Variants in CHDH observed in about 807,000 individuals in gnomAD.
CHDH encodes the protein choline dehydrogenase, also known as choline dehydrogenase, mitochondrial.
In CHDH, 43 loss-of-function variants were observed where a neutral mutation model predicts 56.9. The observed-to-expected ratio is 0.76, with a 90% CI of 0.59 to 0.97. The LOEUF (loss-of-function observed/expected upper bound fraction) is 0.97, where lower values mean the gene tolerates loss of function less well. Among genes scored for constraint, CHDH ranks in the 50% least tolerant of loss-of-function variants. CHDH has a pLI of 0.00. For synonymous variants in CHDH, 364 were observed against 348.5 expected, an observed-to-expected ratio of 1.04 and a Z score of -0.50; for missense variants, 816 against 821.1, an observed-to-expected ratio of 0.99 and a Z score of 0.08.
rs776019278 is a variant in CHDH at position 53,820,465 on chromosome 3, C to T, written c.1120+9G>A. ...AGTCTCCTCCCAGGTTACTGGTAAG[C>T]GTGCTCACCTGTGAATTTCCAGAGC... On this transcript the variant is annotated intron_variant, in intron 6 of 8. Transcript: ENST00000315251. 3.7e-6 allele frequency: 6 copies of T among 1,605,230 alleles called. No homozygotes were observed. In the South Asian group the frequency reaches 4.5e-5, roughly 12 times the overall value.
Position 53,817,914 on chromosome 3 carries a change from T to C in CHDH, c.1648A>G (p.Ser550Gly). 6.2e-7 allele frequency: 1 copy of C among 1,614,216 alleles called. No individual in the cohort carries two copies. Among genetic ancestry groups the C allele is most frequent in the Non-Finnish European group, 8.5e-7 (1 of 1,180,040 alleles). The change falls in exon 9 of 9, where the codon AGC becomes GGC. Residue 550 changes from serine to glycine, a missense_variant. Transcript: ENST00000315251. Reference protein sequence around the residue: ...LRVVDASIMPSMVSGNLNAPT... With the variant: ...LRVVDASIMPGMVSGNLNAPT... ...GCGTTCAGGTTGCCGCTGACCATGC[T>C]AGGCATGATGGAGGCATCGACGACC...
chr3:53,836,895 T>C (rs975019223), intron 2 of CHDH, among the ~76,000 whole-genome samples: 4 of 152,274 alleles, frequency 2.6e-5, no homozygotes, highest in African/African-American at 9.6e-5. Flanking sequence ...CGTATGTCTG[T>C]TGCACCTCAA....
Position 53,823,933 on chromosome 3 carries a change from C to G in CHDH, c.76G>C (p.Gly26Arg), listed in dbSNP as rs1280617634. 18 of 1,540,656 alleles carry G rather than the reference C, an allele frequency of 1.2e-5. No homozygotes were observed. The highest frequency in any genetic ancestry group is 2.7e-5 in the African/African-American group (2 of 72,862). The change falls in exon 3 of 9, where the codon GGT (glycine) becomes CGT (arginine). Residue 26 changes from glycine to arginine, a missense_variant. By Grantham distance (125) the Gly-to-Arg change is moderately radical (BLOSUM62 -2). Transcript: ENST00000315251. ...RGALGQQQSL[G>R]ARALASAGSE... ...CCTGCGCTGGCCAGGGCCCGGGCAC[C>G]CAGGGATTGCTGCTGCCCCAGGGCT...
rs1422619612 is a variant in CHDH, at chr3:53,819,708, A to G, written c.1121-34T>C. 3.2e-6 allele frequency: 5 copies of G among 1,540,158 alleles called. No homozygotes were observed. Among genetic ancestry groups the G allele is most frequent in the Non-Finnish European group, 4.4e-6 (5 of 1,141,950 alleles). On this transcript the variant is annotated intron_variant, in intron 6 of 8. Transcript: ENST00000315251. The surrounding 1 kb of genome is among the most constrained non-coding windows in gnomAD (Gnocchi z 5.4). ...CAGAAGAGGATGAGGCAGAAGAGCCAGTCAGGCCGTGGCAGGTGGGCCGGC... is the reference window on the plus strand; with the variant it reads ...CAGAAGAGGATGAGGCAGAAGAGCCGGTCAGGCCGTGGCAGGTGGGCCGGC...
At chr3:53,841,056 T>C (rs1698656722) in intron 1 of CHDH, 57 bp from the exon 2 acceptor site, 1 of 152,230 alleles carries the variant, frequency 6.6e-6, no homozygotes, top group Non-Finnish European at 1.5e-5. Flanking sequence ...TACAGTTTTA[T>C]CATTTGACAC....
chr3:53,830,464 A>C (rs983773575), intron 2 of CHDH, among the ~76,000 whole-genome samples: 1 of 151,706 alleles, frequency 6.6e-6, no homozygotes, highest in South Asian at 2.1e-4. Flanking sequence ...AAAACATGCA[A>C]TTCATATATG....
At chr3:53,824,704 C>T (rs1013520802) in intron 2 of CHDH, among the ~76,000 whole-genome samples, 30 of 152,154 alleles carry the variant, frequency 2.0e-4, no homozygotes, top group African/African-American at 6.5e-4. Flanking sequence ...AGAATGCTAG[C>T]GTTTTAACAG....
chr3:53,844,025 G>C (rs1479573135), intron 1 of CHDH, among the ~76,000 whole-genome samples: 1 of 152,210 alleles, frequency 6.6e-6, no homozygotes, highest in Non-Finnish European at 1.5e-5. Context: ...CGAGGGGACA[G>C]GCAGACACAC....
intron 1 of CHDH, among the ~76,000 whole-genome samples, chr3:53,843,122 G>A (rs6445607): frequency 1.3e-5 from 2 of 150,732 alleles, no homozygotes; most frequent in South Asian, 2.1e-4. Context: ...AGCAAAGGTC[G>A]GAATAACAAT....
rs1226770952 is a variant in CHDH, at chr3:53,814,201, C to A, written c.*3576G>T. On this transcript the variant is annotated 3_prime_UTR_variant, in exon 9 of 9. Coordinates refer to ENST00000315251, the MANE Select transcript of CHDH (RefSeq NM_018397.5). ...AACTGGAGCAGTTTCACCTTGTGTA[C>A]TTCTCAGCATCGTAAGTGTCTTTGC... 6.6e-6 allele frequency: 1 copy of A among 152,210 alleles called. No individual in the cohort carries two copies. Among genetic ancestry groups the A allele is most frequent in the African/African-American group, 2.4e-5 (1 of 41,468 alleles). 9.4% of individuals were successfully genotyped at this position (152,210 alleles called of 1,614,324 possible).
rs986773364 is a variant in CHDH at position 53,812,395 on chromosome 3, G to T, written c.*5382C>A. The stretch of plus-strand genomic sequence containing the variant: ...TGGGGTTAAAATTTTAAGTTTGAAA[G>T]AACTTGACACTACAGAAATTTTTCT... On this transcript the variant is annotated 3_prime_UTR_variant, in exon 9 of 9. Transcript: ENST00000315251. The T allele has an allele frequency of 4.6e-5, 7 of 152,162 alleles. No individual in the cohort carries two copies. The highest frequency in any genetic ancestry group is 1.7e-4 in the African/African-American group (7 of 41,434). The allele number at this position is 152,162 out of a possible 1,614,324, so 9.4% of individuals were successfully genotyped here.
At chr3:53,842,257 T>C (rs2106988442) in intron 1 of CHDH, among the ~76,000 whole-genome samples, 1 of 152,384 alleles carries the variant, frequency 6.6e-6, no homozygotes, top group South Asian at 2.1e-4. Flanking sequence ...ATCTTGTTTC[T>C]TCCTCCATAA....
At chr3:53,836,729 C>G (rs879272325) in intron 2 of CHDH, among the ~76,000 whole-genome samples, 1 of 152,228 alleles carries the variant, frequency 6.6e-6, no homozygotes, top group African/African-American at 2.4e-5. Flanking sequence ...ACGTGGCCTA[C>G]AGCAAACCCA....
Position 53,817,072 on chromosome 3 carries a change from C to T in CHDH, c.*705G>A, listed in dbSNP as rs2095617204. ...CAGGCTGGTCTTGAACTCCTGAGCTCAAGTGACCTTCCCAAAGTGCTGGGA... is the reference window on the plus strand; with the variant it reads ...CAGGCTGGTCTTGAACTCCTGAGCTTAAGTGACCTTCCCAAAGTGCTGGGA... On this transcript the variant is annotated 3_prime_UTR_variant, in exon 9 of 9. Coordinates refer to ENST00000315251, the MANE Select transcript of CHDH (RefSeq NM_018397.5). The T allele has an allele frequency of 6.6e-6, 1 of 152,512 alleles. No individual in the cohort carries two copies. Among genetic ancestry groups the T allele is most frequent in the African/African-American group, 2.4e-5 (1 of 41,402 alleles). 9.4% of individuals were successfully genotyped at this position (152,512 alleles called of 1,614,324 possible). A position where few individuals can be genotyped will look rare whatever the true frequency, so the allele number is the denominator to read the frequency against.
At position 53,842,957 on chromosome 3, in the gene CHDH, G is replaced by A. The variant is rs142639028; in HGVS notation, c.-130-1958C>T. On this transcript the variant is annotated intron_variant, in intron 1 of 8. Transcript: ENST00000315251. ...GTGCCAGAAACGGCTCACTCTTCAC[G>A]AGACAATGAATCCACTGTTGACCAG... 4.4e-3 allele frequency among the ~76,000 whole-genome samples: 666 copies of A among 152,282 alleles called. 2 individuals carry two copies. The highest frequency in any genetic ancestry group is 0.015 in the African/African-American group (621 of 41,552).
In CHDH at chr3:53,819,031, C is replaced by T; in HGVS notation, c.1273G>A (p.Gly425Arg). The change falls in exon 8 of 9, where the codon GGG becomes AGG. Residue 425 changes from glycine (G) to arginine (R), a missense_variant. Coordinates refer to ENST00000315251, the MANE Select transcript of CHDH (RefSeq NM_018397.5). The surrounding 1 kb of genome is among the most constrained non-coding windows in gnomAD (Gnocchi z 5.4). ...TQQEAYQVHVGPMRGTSVGWL... is the reference protein window; with the variant it reads ...TQQEAYQVHVRPMRGTSVGWL... The stretch of plus-strand genomic sequence containing the variant: ...CCCACACTCGTGCCCCGCATGGGCC[C>T]CACATGTACCTAGAAGAACACAGAG... 1 of 1,610,720 alleles carries T rather than the reference C, an allele frequency of 6.2e-7. No individual in the cohort carries two copies. The highest frequency in any genetic ancestry group is 8.5e-7 in the Non-Finnish European group (1 of 1,177,180).
At chr3:53,832,016 T>C (rs1698350311) in intron 2 of CHDH, among the ~76,000 whole-genome samples, 1 of 151,988 alleles carries the variant, frequency 6.6e-6, no homozygotes, top group Non-Finnish European at 1.5e-5. Flanking sequence ...ATGGGAACCT[T>C]TGCACATTGC....
intron 1 of CHDH, among the ~76,000 whole-genome samples, chr3:53,844,002 G>A (rs1267172143): frequency 6.6e-6 from 1 of 152,170 alleles, no homozygotes; most frequent in Non-Finnish European, 1.5e-5. Flanking sequence ...TCTGAGCTAG[G>A]GGGGAAAACC....
chr3:53,817,479 G>A lies in CHDH; in HGVS notation c.*298C>T, dbSNP rs1339961554. ...CACGTGAACACAAGAAAAAGGATGC[G>A]GCAGGAGTTAACCATCCTCCCCTTC... On this transcript the variant is annotated 3_prime_UTR_variant, in exon 9 of 9. Coordinates refer to ENST00000315251, the MANE Select transcript of CHDH (RefSeq NM_018397.5). 2 of 394,848 alleles carry A rather than the reference G, an allele frequency of 5.1e-6. No homozygotes were observed. Among genetic ancestry groups the A allele is most frequent in the Admixed American group, 4.2e-5 (1 of 23,750 alleles). The allele number at this position is 394,848 out of a possible 1,614,324, so 24.5% of individuals were successfully genotyped here.
Sources: gnomAD v4.1 joint callset for allele counts (sites outside exome capture counted in the v4.1 genomes callset) on GRCh38, gnomAD v4.1.1 for gene constraint, Gnocchi (gnomAD v3.1) non-coding constraint, MANE v1.5 for transcripts, NCBI Gene and HGNC (gene_info 2026-07-23, HGNC 2026-07-21) for gene names.